SYN3: variants seen among roughly 807,000 people sequenced by gnomAD.
SYN3 encodes synapsin-3.
Under a neutral mutation model 65.8 loss-of-function variants are expected in SYN3, and 35 were observed. The ratio of observed to expected loss-of-function variants is 0.53; its 90% CI spans 0.41 to 0.70. The LOEUF (loss-of-function observed/expected upper bound fraction) is 0.70. Ranked by LOEUF, SYN3 falls within the 30% of genes least tolerant of loss-of-function variation. SYN3 has a pLI of 0.00. For missense variants in SYN3, 680 were observed against 749.0 expected (o/e 0.91, Z 1.08); for synonymous variants, 270 against 292.9 (o/e 0.92, Z 0.80).
At position 32,864,885 on chromosome 22, in the gene SYN3, C is replaced by T. The variant is rs373346287; in HGVS notation, c.711+30G>A. The T allele has an allele frequency of 1.2e-5, 19 of 1,587,738 alleles. No individual in the cohort carries two copies. The African/African-American group carries it at 1.9e-4, about 16-fold the overall frequency. ...TCATCTGTATTCATTCCGCATCATGCAAAGAAACAGAGTAAAAAAGGGCAC... is the reference window on the plus strand; with the variant it reads ...TCATCTGTATTCATTCCGCATCATGTAAAGAAACAGAGTAAAAAAGGGCAC... On this transcript the variant is annotated intron_variant, in intron 6 of 13. Coordinates refer to ENST00000358763, the MANE Select transcript of SYN3 (RefSeq NM_003490.4).
chr22:32,528,850 C>T, intron 11 of SYN3, 24 bp downstream of exon 11: 2 of 1,613,972 alleles, frequency 1.2e-6, no homozygotes, highest in Non-Finnish European at 1.7e-6. Context: ...GCTATAAAGT[C>T]TCCTTTGATC....
chr22:33,009,625 G>C (rs925290231), intron 1 of SYN3, among the ~76,000 whole-genome samples: 1 of 151,758 alleles, frequency 6.6e-6, no homozygotes, highest in Non-Finnish European at 1.5e-5. Flanking sequence ...TCTTAAAAAA[G>C]TGAATTGTTT....
intron 3 of SYN3, among the ~76,000 whole-genome samples, chr22:32,958,758 T>C (rs1219074330): frequency 6.6e-6 from 1 of 152,276 alleles, no homozygotes; most frequent in East Asian, 1.9e-4. Flanking sequence ...TGAGATCACA[T>C]AGCAGGGAGG....
chr22:32,966,627 T>A (rs541388168), intron 3 of SYN3, among the ~76,000 whole-genome samples: 1 of 152,206 alleles, frequency 6.6e-6, no homozygotes, highest in Admixed American at 6.5e-5. Flanking sequence ...TTAAGAACCA[T>A]AAACAGGCAG....
chr22:32,516,898 A>G (rs2057788279), intron 13 of SYN3, among the ~76,000 whole-genome samples: 1 of 152,232 alleles, frequency 6.6e-6, no homozygotes, highest in African/African-American at 2.4e-5. Flanking sequence ...CCAAGTAAGT[A>G]AAGTGCTTGG....
At chr22:32,916,035 C>T (rs2050177772) in intron 4 of SYN3, among the ~76,000 whole-genome samples, 1 of 152,208 alleles carries the variant, frequency 6.6e-6, no homozygotes, top group South Asian at 2.1e-4. Flanking sequence ...ATACCTGCAG[C>T]TTCTGCCCCT....
chr22:32,987,541 T>G (rs2052563950), intron 2 of SYN3, among the ~76,000 whole-genome samples: 1 of 152,140 alleles, frequency 6.6e-6, no homozygotes, highest in Admixed American at 6.6e-5. Flanking sequence ...CTCCATGCAA[T>G]TAGCAAGGTC....
chr22:32,566,869 G>A (rs1166609916), intron 7 of SYN3, among the ~76,000 whole-genome samples: 1 of 152,096 alleles, frequency 6.6e-6, no homozygotes, highest in Non-Finnish European at 1.5e-5. Context: ...GAGAAGAAAC[G>A]GACAGGTAGC....
chr22:32,741,164 C>G (rs1396753291), intron 6 of SYN3, among the ~76,000 whole-genome samples: 1 of 152,076 alleles, frequency 6.6e-6, no homozygotes, highest in Non-Finnish European at 1.5e-5. Flanking sequence ...CTGGTACTTA[C>G]AGACATGAGC....
intron 6 of SYN3, among the ~76,000 whole-genome samples, chr22:32,852,773 T>C (rs2048257845): frequency 6.6e-6 from 1 of 152,060 alleles, no homozygotes; most frequent in Admixed American, 6.5e-5. Context: ...TGTTAGAATG[T>C]TGAGAGAGCT....
intron 6 of SYN3, among the ~76,000 whole-genome samples, chr22:32,751,849 C>A (rs2045137117): frequency 6.6e-6 from 1 of 152,156 alleles, no homozygotes; most frequent in Non-Finnish European, 1.5e-5. Context: ...GAGGCCAGAG[C>A]TAAAATAATA....
intron 7 of SYN3, among the ~76,000 whole-genome samples, chr22:32,559,312 G>C (rs2058549772): frequency 6.6e-6 from 1 of 152,208 alleles, no homozygotes; most frequent in Non-Finnish European, 1.5e-5. Flanking sequence ...GGTTGGGTGG[G>C]AAGATAAACA....
chr22:32,816,078 C>A (rs1276801924), intron 6 of SYN3, among the ~76,000 whole-genome samples: 1 of 152,140 alleles, frequency 6.6e-6, no homozygotes, highest in Non-Finnish European at 1.5e-5. Flanking sequence ...GGTTCCCAGG[C>A]TGCCCTAACC....
chr22:32,849,371 C>A, intron 6 of SYN3: 1 of 1,217,354 alleles, frequency 8.2e-7, no homozygotes, highest in Non-Finnish European at 1.2e-6. Flanking sequence ...TCCACAGAGG[C>A]TAGCGTGCCC....
chr22:32,779,613 G>C (rs1181263019), intron 6 of SYN3, among the ~76,000 whole-genome samples: 1 of 152,160 alleles, frequency 6.6e-6, no homozygotes, highest in Non-Finnish European at 1.5e-5. Flanking sequence ...CTTTACAAGA[G>C]AGGAAACCTT....
At chr22:32,826,655 A>T (rs1028902881) in intron 6 of SYN3, among the ~76,000 whole-genome samples, 2 of 152,184 alleles carry the variant, frequency 1.3e-5, no homozygotes, top group African/African-American at 4.8e-5. Flanking sequence ...CTTGTTGACT[A>T]TTCTCTTCTC....
intron 6 of SYN3, among the ~76,000 whole-genome samples, chr22:32,643,072 T>G (rs1601824652): frequency 1.3e-5 from 2 of 152,180 alleles, no homozygotes; most frequent in East Asian, 3.9e-4. Context: ...GTTATTTGTT[T>G]GTTTGTTTTT....
intron 6 of SYN3, among the ~76,000 whole-genome samples, chr22:32,660,337 G>A (rs2060199154): frequency 6.6e-6 from 1 of 152,182 alleles, no homozygotes; most frequent in Non-Finnish European, 1.5e-5. Context: ...TTTCTTTGGG[G>A]CATGGCTTCC....
At chr22:32,791,788 G>T (rs949234010) in intron 6 of SYN3, among the ~76,000 whole-genome samples, 24 of 152,088 alleles carry the variant, frequency 1.6e-4, no homozygotes, top group African/African-American at 5.8e-4. Flanking sequence ...TTTGCTATAA[G>T]AACTGGTACA....
Sources: allele counts gnomAD v4.1 joint callset (sites outside exome capture counted in the v4.1 genomes callset), GRCh38; gene constraint gnomAD v4.1.1; transcripts MANE v1.5; gene names NCBI Gene and HGNC (gene_info 2026-07-23, HGNC 2026-07-21).